SMAP1: variants seen among roughly 807,000 people sequenced by gnomAD.
The protein encoded by SMAP1 is stromal membrane-associated protein 1.
A neutral mutation model predicts 58.5 loss-of-function variants in SMAP1; 24 were observed. The observed-to-expected ratio is 0.41, with a 90% CI of 0.30 to 0.58. SMAP1 has a LOEUF of 0.58. Ranked by LOEUF, SMAP1 falls within the 20% of genes least tolerant of loss-of-function variation. The pLI is 0.29. For synonymous variants in SMAP1, 216 were observed against 196.6 expected, an observed-to-expected ratio of 1.10 and a Z score of -0.82; for missense variants, 563 against 566.3, an observed-to-expected ratio of 0.99 and a Z score of 0.06.
intron 4 of SMAP1, among the ~76,000 whole-genome samples, chr6:70,779,759 C>T (rs1242844629): frequency 6.6e-6 from 1 of 152,078 alleles, no homozygotes; most frequent in Admixed American, 6.6e-5. Flanking sequence ...AATAGAACTG[C>T]CCTTGTGAGG....
At chr6:70,851,405 C>T (rs1232550439) in intron 7 of SMAP1, among the ~76,000 whole-genome samples, 2 of 152,172 alleles carry the variant, frequency 1.3e-5, no homozygotes, top group South Asian at 2.1e-4. Flanking sequence ...TGAGTATCTA[C>T]TTTGTGCAAG....
At chr6:70,787,844 T>A (rs1366154789) in intron 4 of SMAP1, among the ~76,000 whole-genome samples, 3 of 150,370 alleles carry the variant, frequency 2.0e-5, no homozygotes, top group African/African-American at 7.3e-5. Flanking sequence ...ACTTTTACAC[T>A]GTTGTTGGGA....
intron 3 of SMAP1, among the ~76,000 whole-genome samples, chr6:70,762,882 C>T (rs1230770056): frequency 6.6e-6 from 1 of 151,756 alleles, no homozygotes; most frequent in East Asian, 1.9e-4. Flanking sequence ...ATATAAAATA[C>T]ATTAAATATA....
chr6:70,778,655 G>A (rs1397886241), intron 4 of SMAP1, among the ~76,000 whole-genome samples: 2 of 152,216 alleles, frequency 1.3e-5, no homozygotes, highest in Non-Finnish European at 2.9e-5. Context: ...GGGCGGTGGT[G>A]GCTGTGGCTA....
At chr6:70,725,138 A>G (rs1175696367) in intron 1 of SMAP1, among the ~76,000 whole-genome samples, 6 of 76,784 alleles carry the variant, frequency 7.8e-5, no homozygotes, top group Non-Finnish European at 1.3e-4. Context: ...TTTTTTTGAG[A>G]CGGAGTCTCG....
At chr6:70,759,047 A>ATATAAAGTGCT (rs1265217911) in intron 3 of SMAP1, among the ~76,000 whole-genome samples, 1 of 152,034 alleles carries the variant, frequency 6.6e-6, no homozygotes, top group African/African-American at 2.4e-5. Flanking sequence ...GTAGGTGATG[A>ATATAAAGTGCT]TATAAAGTGC....
intron 2 of SMAP1, among the ~76,000 whole-genome samples, chr6:70,747,075 T>C (rs1271190735): frequency 6.6e-6 from 1 of 152,202 alleles, no homozygotes; most frequent in Non-Finnish European, 1.5e-5. Context: ...TTTGTGTGAA[T>C]ATAATGGTAG....
intron 6 of SMAP1, among the ~76,000 whole-genome samples, chr6:70,809,654 G>T (rs1266876721): frequency 6.6e-6 from 1 of 152,122 alleles, no homozygotes; most frequent in Non-Finnish European, 1.5e-5. Flanking sequence ...CATATGATGC[G>T]TGAATGCATT....
intron 6 of SMAP1, among the ~76,000 whole-genome samples, chr6:70,808,206 A>G (rs1769220837): frequency 6.6e-6 from 1 of 152,162 alleles, no homozygotes; most frequent in East Asian, 1.9e-4. Context: ...ACGCAGTTCA[A>G]ACCCATGTCG....
At chr6:70,775,800 G>A (rs1250133147) in intron 4 of SMAP1, among the ~76,000 whole-genome samples, 1 of 152,070 alleles carries the variant, frequency 6.6e-6, no homozygotes, top group East Asian at 1.9e-4. Context: ...ATAAACCCAA[G>A]GGAAAATGTA....
rs905213594 is a variant in SMAP1 at position 70,680,774 on chromosome 6, A to G, written c.118+12633A>G. On this transcript the variant is annotated intron_variant, in intron 1 of 10. Coordinates refer to ENST00000370455, the MANE Select transcript of SMAP1 (RefSeq NM_001044305.3). ...CACTGTGTCTCCCAGGCTGGAGTGC[A>G]GTGGTATGATCTCGGCTCACTGCAG... is the stretch of plus-strand genomic sequence containing the variant. Among the ~76,000 whole-genome samples the G allele has an allele frequency of 5.7e-5, 7 of 122,850 alleles. No homozygotes were observed. The Admixed American group carries it at 7.9e-4, about 14-fold the overall frequency. The allele number at this position is 122,850 out of a possible 152,430, so 80.6% of individuals were successfully genotyped here.
intron 9 of SMAP1, chr6:70,857,694 A>G: frequency 1.8e-6 from 1 of 542,286 alleles, no homozygotes; most frequent in Non-Finnish European, 3.3e-6. Flanking sequence ...CATATGATTT[A>G]CATTTCTTAA....
At chr6:70,711,950 T>C (rs1768074055) in intron 1 of SMAP1, among the ~76,000 whole-genome samples, 1 of 152,246 alleles carries the variant, frequency 6.6e-6, no homozygotes, top group South Asian at 2.1e-4. Context: ...CTCTTGCTAA[T>C]ATTTCCAATT....
At chr6:70,753,230 T>A (rs1420158172) in intron 2 of SMAP1, among the ~76,000 whole-genome samples, 3 of 152,168 alleles carry the variant, frequency 2.0e-5, no homozygotes, top group Admixed American at 2.0e-4. Flanking sequence ...TCAAAGACGT[T>A]AAAATATGAA....
At chr6:70,693,407 G>C (rs554573525) in intron 1 of SMAP1, among the ~76,000 whole-genome samples, 1 of 148,548 alleles carries the variant, frequency 6.7e-6, no homozygotes, top group Non-Finnish European at 1.5e-5. Context: ...AGGTTCAAGC[G>C]ATTCTCCTGC....
intron 8 of SMAP1, among the ~76,000 whole-genome samples, chr6:70,853,476 T>G (rs561626996): frequency 1.3e-5 from 2 of 152,262 alleles, no homozygotes; most frequent in East Asian, 1.9e-4. Context: ...AAAAACTGAG[T>G]CAAATCTGAA....
intron 6 of SMAP1, among the ~76,000 whole-genome samples, chr6:70,825,674 C>A (rs1770084991): frequency 6.6e-6 from 1 of 152,104 alleles, no homozygotes; most frequent in African/African-American, 2.4e-5. Context: ...AGTACTGTAG[C>A]CAATTCCTGT....
chr6:70,724,856 A>T (rs966591014), intron 1 of SMAP1, among the ~76,000 whole-genome samples: 3 of 151,918 alleles, frequency 2.0e-5, no homozygotes, highest in Non-Finnish European at 4.4e-5. Flanking sequence ...ATAAAATATT[A>T]TATAATGAAA....
At chr6:70,838,312 A>G (rs1321505894) in intron 7 of SMAP1, among the ~76,000 whole-genome samples, 1 of 152,164 alleles carries the variant, frequency 6.6e-6, no homozygotes, top group African/African-American at 2.4e-5. Flanking sequence ...TTCACCAAAT[A>G]GCTACTGTCT....
Sources: allele counts gnomAD v4.1 joint callset (sites outside exome capture counted in the v4.1 genomes callset), GRCh38; gene constraint gnomAD v4.1.1; transcripts MANE v1.5; gene names NCBI Gene and HGNC (gene_info 2026-07-23, HGNC 2026-07-21).